CPQ: variants seen among roughly 807,000 people sequenced by gnomAD.
CPQ encodes Ser-Met dipeptidase.
A neutral mutation model predicts 45.7 loss-of-function variants in CPQ; 37 were observed. That is an observed-to-expected ratio of 0.81 (90% CI 0.62 to 1.07). The LOEUF is 1.07. CPQ is among the 50% of genes least tolerant of loss of function. The pLI, the probability that CPQ is intolerant of heterozygous loss-of-function variation, is 0.00. For synonymous variants in CPQ, 186 were observed against 205.8 expected, an observed-to-expected ratio of 0.90 and a Z score of 0.82; for missense variants, 537 against 572.9, an observed-to-expected ratio of 0.94 and a Z score of 0.64.
chr8:96,813,856 T>C (rs1352075674), intron 2 of CPQ, among the ~76,000 whole-genome samples: 3 of 152,108 alleles, frequency 2.0e-5, no homozygotes, highest in African/African-American at 7.2e-5. Flanking sequence ...TTTTGACACC[T>C]GGGCAGGACA....
At chr8:96,692,336 C>T (rs1014351818) in intron 1 of CPQ, among the ~76,000 whole-genome samples, 2 of 151,604 alleles carry the variant, frequency 1.3e-5, no homozygotes, top group African/African-American at 4.8e-5. Flanking sequence ...GGGCATTAAG[C>T]AAACATAGGC....
rs139114342 is a variant in CPQ, at chr8:97,064,189, C to T, written c.1054-1820C>T. 1.6e-3 allele frequency among the ~76,000 whole-genome samples: 249 copies of T among 152,226 alleles called. 1 individual carries two copies. Among genetic ancestry groups the T allele is most frequent in the African/African-American group, 5.8e-3 (242 of 41,538 alleles). On this transcript the variant is annotated intron_variant, in intron 6 of 7. Transcript: ENST00000220763. ...GATCTGCCTGCAATATGGAAACCCT[C>T]ACAAACAAGATGACTCAATTCTGTT...
rs187724241 is a variant in CPQ at position 96,991,341 on chromosome 8, G to A, written c.961+25295G>A. The stretch of plus-strand genomic sequence containing the variant: ...GGAGACCGAGGTGGGCCAATCACTC[G>A]AGGCCAGGAGTTCAAGACTAGTGTG... On this transcript the variant is annotated intron_variant, in intron 5 of 7. Transcript: ENST00000220763. 2.0e-3 allele frequency among the ~76,000 whole-genome samples: 299 copies of A among 152,106 alleles called. 3 individuals carry two copies. Among genetic ancestry groups the A allele is most frequent in the African/African-American group, 6.7e-3 (278 of 41,508 alleles).
intron 2 of CPQ, among the ~76,000 whole-genome samples, chr8:96,796,524 G>C (rs1810931841): frequency 6.6e-6 from 1 of 151,880 alleles, no homozygotes; most frequent in Admixed American, 6.6e-5. Context: ...TCTGTATTTT[G>C]AGGATGACTT....
intron 3 of CPQ, among the ~76,000 whole-genome samples, chr8:96,860,972 AC>A (rs1490090776): frequency 6.6e-6 from 1 of 152,136 alleles, no homozygotes; most frequent in East Asian, 1.9e-4. Flanking sequence ...TTGATTTTGT[AC>A]TGACAGTTTA....
At chr8:97,089,121 T>TA (rs1364087652) in intron 7 of CPQ, among the ~76,000 whole-genome samples, 3 of 151,394 alleles carry the variant, frequency 2.0e-5, no homozygotes, top group African/African-American at 7.3e-5. Context: ...CACACGCCTG[T>TA]AGTCCCAGCT....
chr8:96,655,909 C>T (rs1815632568), intron 1 of CPQ, among the ~76,000 whole-genome samples: 1 of 152,214 alleles, frequency 6.6e-6, no homozygotes, highest in Non-Finnish European at 1.5e-5. Context: ...CTCCTGAGTG[C>T]AGTGGTATAA....
chr8:96,838,323 G>A (rs933270260), intron 3 of CPQ, among the ~76,000 whole-genome samples: 1 of 152,058 alleles, frequency 6.6e-6, no homozygotes, highest in African/African-American at 2.4e-5. Context: ...TCAGAATGTG[G>A]CCTTCTGCTC....
intron 5 of CPQ, among the ~76,000 whole-genome samples, chr8:97,004,057 A>T (rs1809334338): frequency 6.6e-6 from 1 of 152,150 alleles, no homozygotes; most frequent in Non-Finnish European, 1.5e-5. Context: ...ATTATGTTGA[A>T]ATCCAAGTCC....
chr8:96,843,601 A>G (rs1811645981), intron 3 of CPQ, among the ~76,000 whole-genome samples: 1 of 152,200 alleles, frequency 6.6e-6, no homozygotes, highest in African/African-American at 2.4e-5. Flanking sequence ...AATTCTGCAG[A>G]CAGACTGTGT....
chr8:96,786,032 A>G (rs953062902), intron 2 of CPQ, among the ~76,000 whole-genome samples: 4 of 152,182 alleles, frequency 2.6e-5, no homozygotes, highest in African/African-American at 4.8e-5. Context: ...TTATTGAGAT[A>G]TAATTCACAT....
At chr8:96,868,351 C>T (rs1225273729) in intron 3 of CPQ, among the ~76,000 whole-genome samples, 1 of 152,064 alleles carries the variant, frequency 6.6e-6, no homozygotes, top group African/African-American at 2.4e-5. Context: ...ATCTTATAGA[C>T]TCATGTTCAC....
intron 7 of CPQ, among the ~76,000 whole-genome samples, chr8:97,082,173 A>T (rs1810961001): frequency 6.6e-6 from 1 of 152,162 alleles, no homozygotes; most frequent in Non-Finnish European, 1.5e-5. Context: ...CTGTTAGGAC[A>T]CATATTCTCT....
chr8:97,074,987 G>A (rs1810817806), intron 7 of CPQ, among the ~76,000 whole-genome samples: 1 of 152,102 alleles, frequency 6.6e-6, no homozygotes, highest in South Asian at 2.1e-4. Flanking sequence ...CTGATGCGAA[G>A]ATACCGGAAC....
At chr8:97,131,596 A>C (rs1811957882) in intron 7 of CPQ, among the ~76,000 whole-genome samples, 1 of 152,162 alleles carries the variant, frequency 6.6e-6, no homozygotes, top group South Asian at 2.1e-4. Flanking sequence ...TCTAGCTATA[A>C]TTCTACTTCT....
chr8:97,125,008 C>T (rs965701461), intron 7 of CPQ, among the ~76,000 whole-genome samples: 8 of 151,986 alleles, frequency 5.3e-5, no homozygotes, highest in African/African-American at 1.9e-4. Flanking sequence ...GATAAACTAT[C>T]AAGCTGGTCA....
chr8:96,954,195 A>C (rs1379422034), intron 4 of CPQ, among the ~76,000 whole-genome samples: 1 of 152,122 alleles, frequency 6.6e-6, no homozygotes. Context: ...TTTAAAATAC[A>C]TGTTTTTGTT....
intron 6 of CPQ, among the ~76,000 whole-genome samples, chr8:97,059,024 T>C (rs1031235244): frequency 6.6e-6 from 1 of 152,190 alleles, no homozygotes; most frequent in Non-Finnish European, 1.5e-5. Context: ...TCTGGCTCAC[T>C]GTTATGACCG....
chr8:96,817,598 T>G (rs935405851), intron 2 of CPQ, among the ~76,000 whole-genome samples: 4 of 151,752 alleles, frequency 2.6e-5, no homozygotes, highest in Non-Finnish European at 5.9e-5. Context: ...ACTCACGTGT[T>G]CGCTGGACTA....
Sources: gnomAD v4.1 joint callset for allele counts (sites outside exome capture counted in the v4.1 genomes callset) on GRCh38, gnomAD v4.1.1 for gene constraint, MANE v1.5 for transcripts, NCBI Gene and HGNC (gene_info 2026-07-23, HGNC 2026-07-21) for gene names.